The following GHR variants were observed in gnomAD, a reference collection of about 807,000 sequenced individuals.
The protein encoded by GHR is GH receptor.
In GHR, 35 loss-of-function variants were observed where a neutral mutation model predicts 67.1. The observed-to-expected ratio is 0.52, with a 90% CI of 0.40 to 0.69. The LOEUF (loss-of-function observed/expected upper bound fraction) is 0.69. GHR is among the 30% of genes least tolerant of loss of function. The pLI, the probability that GHR is intolerant of heterozygous loss-of-function variation, is 0.00. For synonymous variants in GHR, 272 were observed against 269.1 expected (o/e 1.01, Z -0.10); for missense variants, 792 against 764.6 (o/e 1.04, Z -0.42).
At chr5:42,649,121 A>G (rs1754890247) in intron 3 of GHR, among the ~76,000 whole-genome samples, 1 of 152,222 alleles carries the variant, frequency 6.6e-6, no homozygotes, top group Non-Finnish European at 1.5e-5. Flanking sequence ...CAGTTCTGAC[A>G]CTGATACTTA....
At chr5:42,550,075 A>G (rs1748939742) in intron 1 of GHR, 1 of 974,454 alleles carries the variant, frequency 1.0e-6, no homozygotes, top group Non-Finnish European at 1.2e-6. Flanking sequence ...TGTCTGCCTG[A>G]TGATCAATGA....
At chr5:42,527,404 G>C (rs1747750279) in intron 1 of GHR, among the ~76,000 whole-genome samples, 1 of 152,122 alleles carries the variant, frequency 6.6e-6, no homozygotes, top group African/African-American at 2.4e-5. Flanking sequence ...AAAAGCAGGG[G>C]TTGCAATCCT....
intron 2 of GHR, 100 bp from the exon 3 acceptor site, chr5:42,628,938 T>C: frequency 2.7e-6 from 2 of 729,862 alleles, no homozygotes; most frequent in Middle Eastern, 2.6e-4. Flanking sequence ...GTCCATTCGG[T>C]TGGTTTGGGA....
At chr5:42,603,814 C>G (rs943855192) in intron 2 of GHR, among the ~76,000 whole-genome samples, 1 of 152,160 alleles carries the variant, frequency 6.6e-6, no homozygotes, top group Non-Finnish European at 1.5e-5. Flanking sequence ...TAATTCAATT[C>G]CAACACTTCT....
At chr5:42,635,173 C>T (rs1754116743) in intron 3 of GHR, among the ~76,000 whole-genome samples, 1 of 152,114 alleles carries the variant, frequency 6.6e-6, no homozygotes, top group African/African-American at 2.4e-5. Context: ...TTTAAGGAAA[C>T]AGTGTTTATG....
intron 2 of GHR, among the ~76,000 whole-genome samples, chr5:42,575,226 T>C (rs1169642183): frequency 6.6e-6 from 1 of 152,202 alleles, no homozygotes; most frequent in Admixed American, 6.5e-5. Context: ...CCACATCTGA[T>C]TCTTGTCTCC....
intron 3 of GHR, among the ~76,000 whole-genome samples, chr5:42,660,856 C>T (rs1429426122): frequency 2.0e-5 from 3 of 152,008 alleles, no homozygotes; most frequent in Non-Finnish European, 2.9e-5. Context: ...GTTGAAAACT[C>T]TGAAAAAAAT....
At chr5:42,693,871 T>C (rs536645606) in intron 4 of GHR, among the ~76,000 whole-genome samples, 1 of 152,348 alleles carries the variant, frequency 6.6e-6, no homozygotes, top group South Asian at 2.1e-4. Flanking sequence ...TCTTCTCAAT[T>C]AATAGGCTAG....
chr5:42,582,459 G>A (rs1296272654), intron 2 of GHR, among the ~76,000 whole-genome samples: 1 of 152,218 alleles, frequency 6.6e-6, no homozygotes, highest in Admixed American at 6.5e-5. Context: ...CTATGGATAA[G>A]AGCTACCCAC....
At chr5:42,599,753 T>G (rs1229530956) in intron 2 of GHR, among the ~76,000 whole-genome samples, 1 of 152,224 alleles carries the variant, frequency 6.6e-6, no homozygotes, top group Non-Finnish European at 1.5e-5. Flanking sequence ...AACAAACTTT[T>G]GTGTCCAGCT....
chr5:42,662,219 A>T (rs1331042690), intron 3 of GHR, among the ~76,000 whole-genome samples: 1 of 152,200 alleles, frequency 6.6e-6, no homozygotes, highest in Non-Finnish European at 1.5e-5. Flanking sequence ...TAACAAGGAT[A>T]CCCAGGAATT....
At chr5:42,534,834 TTA>T (rs1748185310) in intron 1 of GHR, among the ~76,000 whole-genome samples, 5 of 151,730 alleles carry the variant, frequency 3.3e-5, no homozygotes, top group Non-Finnish European at 5.9e-5. Context: ...TGTTTTATTA[TTA>T]TTTTTTTTAT....
chr5:42,659,082 G>T (rs531669249), intron 3 of GHR: 1 of 152,302 alleles, frequency 6.6e-6, no homozygotes, highest in Non-Finnish European at 1.5e-5. Flanking sequence ...TAACCCACTA[G>T]AGTAGTGTAA....
At chr5:42,513,626 T>C (rs186980061) in intron 1 of GHR, among the ~76,000 whole-genome samples, 1 of 151,988 alleles carries the variant, frequency 6.6e-6, no homozygotes, top group East Asian at 1.9e-4. Context: ...CTACTGAAAA[T>C]ACAAAATTAG....
intron 2 of GHR, among the ~76,000 whole-genome samples, chr5:42,575,764 G>C (rs188828034): frequency 6.6e-6 from 1 of 151,468 alleles, no homozygotes; most frequent in Non-Finnish European, 1.5e-5. Context: ...GGCTGGGCGC[G>C]ATGGCTCATG....
In GHR at chr5:42,719,255, A is replaced by C. The variant is rs1758897081; in HGVS notation, c.1748A>C (p.Glu583Ala). 2 of 1,613,830 alleles carry C rather than the reference A, an allele frequency of 1.2e-6. No homozygotes were observed. The highest frequency in any genetic ancestry group is 8.5e-7 in the Non-Finnish European group (1 of 1,179,842). ...TTAAGRPGTG[E>A]HVPGSEMPVP... ...GCTGCTGGGAGGCCTGGGACAGGAG[A>C]ACATGTTCCAGGTTCTGAGATGCCT... Residue 583 changes from glutamate (E) to alanine (A), a missense_variant, in exon 10 of 10, where the codon GAA becomes GCA. Transcript: ENST00000230882.
intron 1 of GHR, among the ~76,000 whole-genome samples, chr5:42,505,106 T>C (rs938372834): frequency 3.3e-5 from 5 of 150,726 alleles, no homozygotes; most frequent in Non-Finnish European, 7.4e-5. Flanking sequence ...AACATGCATG[T>C]TGGGAGCTGT....
chr5:42,579,899 C>G (rs1337926818), intron 2 of GHR, among the ~76,000 whole-genome samples: 6 of 151,442 alleles, frequency 4.0e-5, no homozygotes, highest in African/African-American at 1.2e-4. Context: ...AATAACCATG[C>G]CATGCTGTTT....
intron 6 of GHR, 35 bp downstream of exon 6, chr5:42,700,037 C>T: frequency 7.6e-7 from 1 of 1,317,262 alleles, no homozygotes. Flanking sequence ...TTTGACTTTT[C>T]TTTCTATTTC....
Sources: allele counts gnomAD v4.1 joint callset (sites outside exome capture counted in the v4.1 genomes callset), GRCh38; gene constraint gnomAD v4.1.1; transcripts MANE v1.5; gene names NCBI Gene and HGNC (gene_info 2026-07-23, HGNC 2026-07-21).